Variants in WASF1 observed in about 807,000 individuals in gnomAD.
WASF1 encodes the protein actin-binding protein WASF1.
In WASF1, 7 loss-of-function variants were observed where a neutral mutation model predicts 50.5. That is an observed-to-expected ratio of 0.14 (90% CI 0.08 to 0.26). The LOEUF is 0.26. Ranked by LOEUF, WASF1 falls within the 10% of genes least tolerant of loss-of-function variation. WASF1 has a pLI of 1.00. For missense variants in WASF1, 470 were observed against 694.7 expected (o/e 0.68, Z 3.64); for synonymous variants, 205 against 244.0 (o/e 0.84, Z 1.49).
intron 3 of WASF1, among the ~76,000 whole-genome samples, chr6:110,129,159 C>T (rs1774548750): frequency 6.6e-6 from 1 of 152,156 alleles, no homozygotes; most frequent in Non-Finnish European, 1.5e-5. Context: ...TGGTTACACC[C>T]TCATCTGTTA....
intron 3 of WASF1, among the ~76,000 whole-genome samples, chr6:110,155,287 T>C (rs1420626573): frequency 6.6e-6 from 1 of 152,084 alleles, no homozygotes; most frequent in African/African-American, 2.4e-5. Context: ...TTATCGGCTA[T>C]AAGCACAAAC....
At chr6:110,171,520 G>GA (rs778896096) in intron 2 of WASF1, among the ~76,000 whole-genome samples, 5 of 152,038 alleles carry the variant, frequency 3.3e-5, no homozygotes, top group Non-Finnish European at 7.4e-5. Context: ...ATTTTAAGTT[G>GA]AAAATATCAT....
rs142018138 is a variant in WASF1, at chr6:110,160,972, C to T, written c.-126-240G>A. Among the ~76,000 whole-genome samples, 50 of 151,298 alleles carry T rather than the reference C, an allele frequency of 3.3e-4. 1 individual carries two copies. The East Asian group carries it at 8.6e-3, about 26-fold the overall frequency. The stretch of plus-strand genomic sequence containing the variant: ...TGAAATTATCTCGATGAAATAAATG[C>T]AATTCTTGCTTACCCAGAAGTCTGA... On this transcript the variant is annotated intron_variant, in intron 2 of 10. Coordinates refer to ENST00000392589, the MANE Select transcript of WASF1 (RefSeq NM_003931.3).
At chr6:110,153,506 T>C (rs548389029) in intron 3 of WASF1, among the ~76,000 whole-genome samples, 1 of 152,200 alleles carries the variant, frequency 6.6e-6, no homozygotes, top group East Asian at 1.9e-4. Context: ...GATTTCTCAC[T>C]GTATCCTCAC....
chr6:110,147,413 C>G (rs921551300), intron 3 of WASF1, among the ~76,000 whole-genome samples: 2 of 151,188 alleles, frequency 1.3e-5, no homozygotes, highest in Non-Finnish European at 2.9e-5. Flanking sequence ...TGATAGGCTA[C>G]TAAAGTCGAA....
chr6:110,102,063 G>A lies in WASF1; in HGVS notation c.1047C>T (p.Pro349=), dbSNP rs1773116546. 1 of 1,516,244 alleles carries A rather than the reference G, an allele frequency of 6.6e-7. No homozygotes were observed. Among genetic ancestry groups the A allele is most frequent in the Non-Finnish European group, 8.8e-7 (1 of 1,133,600 alleles). The allele number at this position is 1,516,244 out of a possible 1,614,324, so 93.9% of individuals were successfully genotyped here. Residue 349 remains proline, a synonymous_variant, in exon 10 of 11, where the codon CCC becomes CCT. Transcript: ENST00000392589. ...SLRASMTSTP[P]PPVPPPPPPP... is the part of the protein sequence containing the mutation. The stretch of plus-strand genomic sequence containing the variant: ...GTGGAGGTGGGGGAGGTACTGGAGG[G>A]GGAGGAGTTGAAGTCATTGAAGCTC...
intron 4 of WASF1, among the ~76,000 whole-genome samples, chr6:110,126,424 C>T (rs931018153): frequency 1.3e-5 from 2 of 152,164 alleles, no homozygotes; most frequent in Non-Finnish European, 2.9e-5. Flanking sequence ...AGTACTCTCA[C>T]AGAGAATATT....
chr6:110,139,462 A>T (rs750603787), intron 3 of WASF1, among the ~76,000 whole-genome samples: 2 of 152,238 alleles, frequency 1.3e-5, no homozygotes, highest in African/African-American at 2.4e-5. Flanking sequence ...CGCCATCATA[A>T]GCAAAACCTT....
At chr6:110,104,598 G>A (rs1473051702) in intron 8 of WASF1, among the ~76,000 whole-genome samples, 1 of 152,088 alleles carries the variant, frequency 6.6e-6, no homozygotes, top group Admixed American at 6.6e-5. Flanking sequence ...AGATCAGCCC[G>A]GCCAACATGG....
intron 3 of WASF1, among the ~76,000 whole-genome samples, chr6:110,128,870 G>A (rs994733557): frequency 6.6e-6 from 1 of 152,120 alleles, no homozygotes; most frequent in East Asian, 1.9e-4. Context: ...AGGAGCACGA[G>A]GCCTATTGTG....
At chr6:110,164,416 A>G (rs1776386337) in intron 2 of WASF1, among the ~76,000 whole-genome samples, 1 of 151,726 alleles carries the variant, frequency 6.6e-6, no homozygotes, top group African/African-American at 2.4e-5. Flanking sequence ...CTTCACCAAA[A>G]GAGATACACT....
At chr6:110,158,678 T>TG (rs1204845403) in intron 3 of WASF1, among the ~76,000 whole-genome samples, 1 of 151,948 alleles carries the variant, frequency 6.6e-6, no homozygotes, top group African/African-American at 2.4e-5. Context: ...TTCACTCAGG[T>TG]GACTTGTCTG....
At chr6:110,108,750 C>T in intron 5 of WASF1, 69 bp from the exon 6 acceptor site, 1 of 1,453,126 alleles carries the variant, frequency 6.9e-7, no homozygotes, top group Non-Finnish European at 9.4e-7. Context: ...GGCAAATTCA[C>T]ATACTTTATT....
chr6:110,144,928 A>C (rs2114563826), intron 3 of WASF1, among the ~76,000 whole-genome samples: 1 of 152,148 alleles, frequency 6.6e-6, no homozygotes, highest in South Asian at 2.1e-4. Context: ...CTTAGGATTG[A>C]CTTGGCGATG....
At chr6:110,125,819 T>C (rs1386504763) in intron 4 of WASF1, among the ~76,000 whole-genome samples, 3 of 152,216 alleles carry the variant, frequency 2.0e-5, no homozygotes, top group Non-Finnish European at 2.9e-5. Flanking sequence ...ACAAGGTATT[T>C]ATAATTTTCA....
At chr6:110,138,334 C>T (rs1021017663) in intron 3 of WASF1, among the ~76,000 whole-genome samples, 54 of 152,366 alleles carry the variant, frequency 3.5e-4, no homozygotes, top group African/African-American at 1.3e-3. Flanking sequence ...GCTTAGGAAG[C>T]TCCTAGGTCT....
rs190360773 is a variant in WASF1 at position 110,113,039 on chromosome 6, T to A, written c.268+287A>T. 1.3e-3 allele frequency among the ~76,000 whole-genome samples: 195 copies of A among 151,902 alleles called. 1 individual carries two copies. The highest frequency in any genetic ancestry group is 4.6e-3 in the African/African-American group (192 of 41,418). On this transcript the variant is annotated intron_variant, in intron 5 of 10. Transcript: ENST00000392589. ...GGGAGAAATGAAAAGAGAAAGATAA[T>A]GAAGAGAATGGAGGAAAATGTCTGG...
intron 4 of WASF1, among the ~76,000 whole-genome samples, chr6:110,124,232 T>TC (rs1774284405): frequency 7.0e-5 from 3 of 42,590 alleles, no homozygotes; most frequent in African/African-American, 2.9e-4. Flanking sequence ...CTCTCCTCTC[T>TC]CTCCTCTCTC....
intron 4 of WASF1, among the ~76,000 whole-genome samples, chr6:110,121,699 A>G (rs191529284): frequency 6.6e-6 from 1 of 152,250 alleles, no homozygotes; most frequent in Non-Finnish European, 1.5e-5. Context: ...TACCCAAAGG[A>G]TTATAAATCA....
Sources: allele counts gnomAD v4.1 joint callset (sites outside exome capture counted in the v4.1 genomes callset), GRCh38; gene constraint gnomAD v4.1.1; transcripts MANE v1.5; gene names NCBI Gene and HGNC (gene_info 2026-07-23, HGNC 2026-07-21).